DOK6: variants seen among roughly 807,000 people sequenced by gnomAD.
DOK6 encodes the protein downstream of tyrosine kinase 6.
A neutral mutation model predicts 44.0 loss-of-function variants in DOK6; 22 were observed. The ratio of observed to expected loss-of-function variants is 0.50; its 90% CI spans 0.36 to 0.71. DOK6 has a LOEUF of 0.71. DOK6 is among the 30% of genes least tolerant of loss of function. The probability of loss-of-function intolerance (pLI) is 0.00; values close to 1 mark genes in which losing one functional copy is unlikely to be tolerated. For missense variants in DOK6, 340 were observed against 416.4 expected, an observed-to-expected ratio of 0.82 and a Z score of 1.60; for synonymous variants, 166 against 145.5, an observed-to-expected ratio of 1.14 and a Z score of -1.01.
chr18:69,764,694 T>A (rs7239222), intron 7 of DOK6, among the ~76,000 whole-genome samples: 114,556 of 152,130 alleles, frequency 0.75, 43,946 homozygotes, highest in East Asian at 0.87. Context: ...TAATAGCAGC[T>A]TGAGAACAGA....
In DOK6 at chr18:69,811,904, G is replaced by A. The variant is rs1253991496; in HGVS notation, c.857-29340G>A. Among the ~76,000 whole-genome samples, 3 of 152,028 alleles carry A rather than the reference G, an allele frequency of 2.0e-5. No individual in the cohort carries two copies. The East Asian group carries it at 5.8e-4, about 29-fold the overall frequency. On this transcript the variant is annotated intron_variant, in intron 7 of 7. Transcript: ENST00000382713. ...TTGACTTGACTTTGTTATGCCTCAA[G>A]ACAAAATAAATGTTTAGTGAACATC...
chr18:69,494,072 C>T (rs1344264573), intron 1 of DOK6, among the ~76,000 whole-genome samples: 1 of 152,190 alleles, frequency 6.6e-6, no homozygotes, highest in Non-Finnish European at 1.5e-5. Flanking sequence ...GATATTTTGT[C>T]TTCTAATATC....
At chr18:69,677,261 C>G (rs1416085152) in intron 3 of DOK6, among the ~76,000 whole-genome samples, 1 of 151,320 alleles carries the variant, frequency 6.6e-6, no homozygotes, top group Non-Finnish European at 1.5e-5. Context: ...TATTTATTTT[C>G]TATTTTATAT....
At chr18:69,416,520 C>T (rs1198465058) in intron 1 of DOK6, among the ~76,000 whole-genome samples, 1 of 152,118 alleles carries the variant, frequency 6.6e-6, no homozygotes, top group Non-Finnish European at 1.5e-5. Flanking sequence ...TACATCCTCT[C>T]CCACTGTTCT....
intron 1 of DOK6, among the ~76,000 whole-genome samples, chr18:69,446,202 C>A (rs1979285118): frequency 8.7e-6 from 1 of 115,086 alleles, no homozygotes; most frequent in Non-Finnish European, 1.7e-5. Flanking sequence ...GCTATCCCTC[C>A]CCCCTCCCCC....
chr18:69,784,037 A>G (rs1311320781), intron 7 of DOK6, among the ~76,000 whole-genome samples: 1 of 152,090 alleles, frequency 6.6e-6, no homozygotes, highest in African/African-American at 2.4e-5. Flanking sequence ...AATACAAAAA[A>G]TTAGCCAAGT....
chr18:69,492,892 A>T (rs1456046019), intron 1 of DOK6, among the ~76,000 whole-genome samples: 2 of 149,438 alleles, frequency 1.3e-5, no homozygotes, highest in Non-Finnish European at 3.0e-5. Flanking sequence ...TCTTTTCTTG[A>T]GTATTTAGCT....
At chr18:69,645,265 A>G (rs914504303) in intron 3 of DOK6, among the ~76,000 whole-genome samples, 1 of 152,192 alleles carries the variant, frequency 6.6e-6, no homozygotes, top group Admixed American at 6.5e-5. Context: ...AGGTGCATGC[A>G]CCACACTCCT....
chr18:69,718,195 C>T (rs983892602), intron 5 of DOK6, among the ~76,000 whole-genome samples: 3 of 152,150 alleles, frequency 2.0e-5, no homozygotes, highest in Non-Finnish European at 4.4e-5. Flanking sequence ...ATTCCCTAAG[C>T]AACCAAAGTA....
intron 3 of DOK6, among the ~76,000 whole-genome samples, chr18:69,667,400 C>T (rs1985687516): frequency 6.6e-6 from 1 of 152,192 alleles, no homozygotes; most frequent in Non-Finnish European, 1.5e-5. Flanking sequence ...CCTGCTTTCT[C>T]TTGCACCTAT....
intron 5 of DOK6, among the ~76,000 whole-genome samples, chr18:69,731,739 A>G (rs971063391): frequency 1.7e-4 from 26 of 152,222 alleles, no homozygotes; most frequent in African/African-American, 6.0e-4. Flanking sequence ...TAATGCAGAG[A>G]CTAAATACTA....
rs139161708 is a variant in DOK6 at position 69,739,113 on chromosome 18, C to G, written c.738+10C>G. The G allele has an allele frequency of 1.2e-6, 2 of 1,613,502 alleles. No individual in the cohort carries two copies. The highest frequency in any genetic ancestry group is 1.7e-6 in the Non-Finnish European group (2 of 1,179,638). ...GGAACAGAAGGCCCGGGTAAGGCCC[C>G]TTCCTTGGTAACCTATCAGCTTGGA... On this transcript the variant is annotated intron_variant, in intron 6 of 7. Transcript: ENST00000382713.
At chr18:69,565,789 A>G (rs1982963302) in intron 2 of DOK6, among the ~76,000 whole-genome samples, 2 of 152,312 alleles carry the variant, frequency 1.3e-5, no homozygotes, top group Non-Finnish European at 2.9e-5. Flanking sequence ...TAAAATTGTT[A>G]TATATCTCTA....
intron 3 of DOK6, chr18:69,662,447 A>T (rs1256070159): frequency 6.6e-6 from 1 of 152,226 alleles, no homozygotes; most frequent in Non-Finnish European, 1.5e-5. Context: ...TAATAAAGAA[A>T]GCACTTTGAA....
intron 1 of DOK6, among the ~76,000 whole-genome samples, chr18:69,417,771 A>T (rs1275037677): frequency 1.3e-5 from 2 of 152,182 alleles, no homozygotes; most frequent in Admixed American, 1.3e-4. Context: ...GTGAGATAAT[A>T]TCTCATTGTG....
intron 7 of DOK6, among the ~76,000 whole-genome samples, chr18:69,826,853 A>T (rs1981755797): frequency 6.6e-6 from 1 of 152,178 alleles, no homozygotes; most frequent in South Asian, 2.1e-4. Context: ...ATTCCCTATC[A>T]TACCCACCCC....
intron 2 of DOK6, among the ~76,000 whole-genome samples, chr18:69,569,361 C>G (rs760490677): frequency 6.6e-6 from 1 of 152,130 alleles, no homozygotes; most frequent in East Asian, 1.9e-4. Flanking sequence ...TGAGCCACAC[C>G]CCACCACAGG....
intron 5 of DOK6, among the ~76,000 whole-genome samples, chr18:69,706,558 G>T (rs1012579727): frequency 1.2e-4 from 18 of 151,162 alleles, no homozygotes; most frequent in Admixed American, 8.6e-4. Context: ...AAGTTTTAGG[G>T]TACATGTGCA....
At chr18:69,621,449 A>G (rs1455721492) in intron 3 of DOK6, among the ~76,000 whole-genome samples, 2 of 152,058 alleles carry the variant, frequency 1.3e-5, no homozygotes, top group African/African-American at 2.4e-5. Flanking sequence ...TTAAAATTAT[A>G]TAGGATCTGT....
Sources: allele counts gnomAD v4.1 joint callset (sites outside exome capture counted in the v4.1 genomes callset), GRCh38; gene constraint gnomAD v4.1.1; transcripts MANE v1.5; gene names NCBI Gene and HGNC (gene_info 2026-07-23, HGNC 2026-07-21).